The following BCL7A variants were observed in gnomAD, a reference collection of about 807,000 sequenced individuals.
BCL7A encodes B-cell CLL/lymphoma 7 protein family member A.
In BCL7A, 11 loss-of-function variants were observed where a neutral mutation model predicts 28.4. That is an observed-to-expected ratio of 0.39 (90% CI 0.24 to 0.64). The LOEUF (loss-of-function observed/expected upper bound fraction) is 0.64. Ranked by LOEUF, BCL7A falls within the 30% of genes least tolerant of loss-of-function variation. The pLI, the probability that BCL7A is intolerant of heterozygous loss-of-function variation, is 0.50. For synonymous variants in BCL7A, 123 were observed against 103.3 expected (o/e 1.19, Z -1.15); for missense variants, 222 against 274.8 (o/e 0.81, Z 1.36).
intron 5 of BCL7A, chr12:122,055,136 C>T (rs867472853): frequency 2.9e-6 from 3 of 1,040,948 alleles, no homozygotes; most frequent in Non-Finnish European, 4.1e-6. Context: ...GACTTGTGGC[C>T]TCTGCCCTCA....
Position 122,054,943 on chromosome 12 carries a change from C to G in BCL7A, c.561+17C>G. On this transcript the variant is annotated intron_variant, in intron 5 of 5. Transcript: ENST00000261822. ...ATCTCTCAGGTACCTCGCTCGAGGT[C>G]TCAGAGGGGCAGCCAGATCGGCCGG... The G allele has an allele frequency of 6.2e-7, 1 of 1,614,166 alleles. No individual in the cohort carries two copies. The highest frequency in any genetic ancestry group is 1.1e-5 in the South Asian group (1 of 91,076).
At chr12:122,032,698 G>A (rs1195449895) in intron 2 of BCL7A, among the ~76,000 whole-genome samples, 1 of 152,172 alleles carries the variant, frequency 6.6e-6, no homozygotes, top group African/African-American at 2.4e-5. Flanking sequence ...GTGTAATGGA[G>A]CAGTAACATC....
At position 122,054,792 on chromosome 12, in the gene BCL7A, G is replaced by A; in HGVS notation, c.440-13G>A. 1 of 1,610,708 alleles carries A rather than the reference G, an allele frequency of 6.2e-7. No homozygotes were observed. Among genetic ancestry groups the A allele is most frequent in the Non-Finnish European group, 8.5e-7 (1 of 1,177,666 alleles). Reference sequence around the variant, plus strand: ...GTCTGAAAACAGCTCCTGTCGTCTTGCTCTTCCCTCAGATGCTTCTGATGA... The same window carrying A: ...GTCTGAAAACAGCTCCTGTCGTCTTACTCTTCCCTCAGATGCTTCTGATGA... On this transcript the variant is annotated splice_polypyrimidine_tract_variant and intron_variant, in intron 4 of 5. Transcript: ENST00000261822.
In BCL7A at chr12:122,059,029, C is replaced by T. The variant is rs1473019864; in HGVS notation, c.562-63C>T. 1.0e-5 allele frequency: 15 copies of T among 1,439,960 alleles called. No individual in the cohort carries two copies. Among genetic ancestry groups the T allele is most frequent in the Admixed American group, 1.7e-5 (1 of 59,128 alleles). The allele number at this position is 1,439,960 out of a possible 1,614,324, so 89.2% of individuals were successfully genotyped here. A position where few individuals can be genotyped will look rare whatever the true frequency, so the allele number is the denominator to read the frequency against. On this transcript the variant is annotated intron_variant, in intron 5 of 5. Coordinates refer to ENST00000261822, the MANE Select transcript of BCL7A (RefSeq NM_001024808.3). The surrounding 1 kb of genome is among the most constrained non-coding windows in gnomAD (Gnocchi z 4.0). Reference sequence around the variant, plus strand: ...CTTCCTTGGCTGACCTTCGGCCTCACGCCTGGCCTAACTTGCTCTCCTGGC... The same window carrying T: ...CTTCCTTGGCTGACCTTCGGCCTCATGCCTGGCCTAACTTGCTCTCCTGGC...
chr12:122,022,586 C>T (rs1383145600), intron 1 of BCL7A, among the ~76,000 whole-genome samples: 4 of 145,272 alleles, frequency 2.8e-5, no homozygotes, highest in East Asian at 2.0e-4. Flanking sequence ...GCCGCGATGC[C>T]GGCGGCGGCG....
At position 122,059,283 on chromosome 12, in the gene BCL7A, T is replaced by C; in HGVS notation, c.*120T>C. ...AACAGAACTACTAACGTTTCAAGTT[T>C]ACCAAGTGCAAATCCAAGAAGACCC... On this transcript the variant is annotated 3_prime_UTR_variant, in exon 6 of 6. Transcript: ENST00000261822. This position sits in a 1 kb window ranked among gnomAD's most constrained non-coding sequence, Gnocchi z 4.0. The C allele has an allele frequency of 1.1e-6, 1 of 924,392 alleles. No homozygotes were observed. The highest frequency in any genetic ancestry group is 1.7e-6 in the Non-Finnish European group (1 of 603,534). 57.3% of individuals were successfully genotyped at this position (924,392 alleles called of 1,614,324 possible). A position where few individuals can be genotyped will look rare whatever the true frequency, so the allele number is the denominator to read the frequency against.
chr12:122,049,757 C>CG (rs1405243275), intron 4 of BCL7A, among the ~76,000 whole-genome samples: 3 of 152,074 alleles, frequency 2.0e-5, no homozygotes, highest in African/African-American at 7.2e-5. Context: ...TGCAGTCCTG[C>CG]GGGGGGTCTG....
chr12:122,022,677 C>T (rs1389122017), intron 1 of BCL7A, among the ~76,000 whole-genome samples: 6 of 146,888 alleles, frequency 4.1e-5, no homozygotes, highest in Non-Finnish European at 6.1e-5. Flanking sequence ...GCCCGCGCCC[C>T]GCCGCCCTCC....
rs368594297 is a variant in BCL7A, at chr12:122,043,724, G to A, written c.272-162G>A. Among the ~76,000 whole-genome samples, 48 of 146,816 alleles carry A rather than the reference G, an allele frequency of 3.3e-4. No homozygotes were observed. The South Asian group carries it at 9.8e-3, about 30-fold the overall frequency. On this transcript the variant is annotated intron_variant, in intron 3 of 5. Transcript: ENST00000261822. ...GGTCCTCCAGCCTGGTTGACAGAGC[G>A]AGATCCGTCTCAAAAAAAAAAAAAA...
chr12:122,044,408 G>A (rs1433231171), intron 4 of BCL7A: 1 of 203,550 alleles, frequency 4.9e-6, no homozygotes, highest in Non-Finnish European at 9.9e-6. Flanking sequence ...TCAGGAGGCC[G>A]AGGTCGGAGG....
At chr12:122,043,751 G>T in intron 3 of BCL7A, 135 bp from the exon 4 acceptor site, 2 of 831,648 alleles carry the variant, frequency 2.4e-6, no homozygotes, top group African/African-American at 1.9e-5. Context: ...AAAAAAAAAC[G>T]GTAACCAGAC....
At chr12:122,039,500 A>ATATAATATATATATTATATATAT (rs1565938442) in intron 3 of BCL7A, among the ~76,000 whole-genome samples, 11 of 140,408 alleles carry the variant, frequency 7.8e-5, no homozygotes, top group East Asian at 4.0e-4. Context: ...ATATATATAT[A>ATATAATATATATATTATATATAT]TATATAATAT....
chr12:122,045,200 G>T (rs1884048485), intron 4 of BCL7A, among the ~76,000 whole-genome samples: 1 of 152,082 alleles, frequency 6.6e-6, no homozygotes, highest in African/African-American at 2.4e-5. Context: ...GGCCAACACG[G>T]TGAAACCCTG....
At chr12:122,025,467 A>G (rs1883603685) in intron 1 of BCL7A, among the ~76,000 whole-genome samples, 1 of 151,908 alleles carries the variant, frequency 6.6e-6, no homozygotes, top group African/African-American at 2.4e-5. Context: ...TACTAAAAAA[A>G]TACAAAAAAA....
intron 1 of BCL7A, among the ~76,000 whole-genome samples, chr12:122,022,806 G>A (rs1461168571): frequency 2.0e-5 from 3 of 151,758 alleles, no homozygotes; most frequent in Non-Finnish European, 4.4e-5. Flanking sequence ...CTGGAGCGAG[G>A]GCTCTCGGCG....
At chr12:122,057,974 G>A (rs537996326) in intron 5 of BCL7A, among the ~76,000 whole-genome samples, 1 of 151,922 alleles carries the variant, frequency 6.6e-6, no homozygotes, top group African/African-American at 2.4e-5. Context: ...AGGATCCCTT[G>A]AGCCCGGGAG....
At chr12:122,023,017 G>C (rs567607569) in intron 1 of BCL7A, among the ~76,000 whole-genome samples, 2 of 152,068 alleles carry the variant, frequency 1.3e-5, no homozygotes, top group East Asian at 3.9e-4. Context: ...TGTTGTTTTT[G>C]TTCTCTGCAC....
In BCL7A at chr12:122,061,439, A is replaced by G. The variant is rs1431030307; in HGVS notation, c.*2276A>G. 4.3e-6 allele frequency: 1 copy of G among 231,742 alleles called. No homozygotes were observed. The highest frequency in any genetic ancestry group is 8.5e-6 in the Non-Finnish European group (1 of 117,196). The allele number at this position is 231,742 out of a possible 1,614,324, so 14.4% of individuals were successfully genotyped here. A position where few individuals can be genotyped will look rare whatever the true frequency, so the allele number is the denominator to read the frequency against. ...GGCCCCACCACGGCCACGCCAGGCA[A>G]AGCGCCAGCAGCCCTGCACTCCACG... On this transcript the variant is annotated 3_prime_UTR_variant, in exon 6 of 6. Coordinates refer to ENST00000261822, the MANE Select transcript of BCL7A (RefSeq NM_001024808.3).
intron 2 of BCL7A, among the ~76,000 whole-genome samples, 185 bp downstream of exon 2, chr12:122,030,966 C>T (rs563079065): frequency 6.6e-6 from 1 of 152,286 alleles, no homozygotes. Flanking sequence ...CCCACTCCAG[C>T]CCCAGAGTCT....
Sources: allele counts gnomAD v4.1 joint callset (sites outside exome capture counted in the v4.1 genomes callset), GRCh38; gene constraint gnomAD v4.1.1; non-coding constraint Gnocchi (gnomAD v3.1); transcripts MANE v1.5; gene names NCBI Gene and HGNC (gene_info 2026-07-23, HGNC 2026-07-21).